Variants in PRMT9 observed in about 807,000 individuals in gnomAD.
PRMT9 encodes protein arginine N-methyltransferase 9.
Under a neutral mutation model 83.2 loss-of-function variants are expected in PRMT9, and 59 were observed. That is an observed-to-expected ratio of 0.71 (90% CI 0.57 to 0.88). The LOEUF (loss-of-function observed/expected upper bound fraction) is 0.88, where lower values mean the gene tolerates loss of function less well. PRMT9 is among the 40% of genes least tolerant of loss of function. The pLI, the probability that PRMT9 is intolerant of heterozygous loss-of-function variation, is 0.00. For missense variants in PRMT9, 947 were observed against 1,021.9 expected (o/e 0.93, Z 1.00); for synonymous variants, 333 against 353.2 (o/e 0.94, Z 0.64).
Position 147,660,864 on chromosome 4 carries a change from TACTGTC to T in PRMT9, c.1122_1127del (p.Met374_Val376delinsIle). 1 of 1,612,614 alleles carries T rather than the reference TACTGTC, an allele frequency of 6.2e-7. No homozygotes were observed. Among genetic ancestry groups the T allele is most frequent in the Non-Finnish European group, 8.5e-7 (1 of 1,178,736 alleles). On this transcript the variant is annotated inframe_deletion, in exon 7 of 12. Transcript: ENST00000322396. ...TTTTCACCTGAAGGTTGTTGAAATC[TACTGTC>T]ATAATTTCAAAGCACTCTGTCAAAG...
chr4:147,662,960 C>T (rs756420118), intron 6 of PRMT9, among the ~76,000 whole-genome samples: 1 of 151,516 alleles, frequency 6.6e-6, no homozygotes, highest in Non-Finnish European at 1.5e-5. Context: ...TCTACTTTTA[C>T]AGATTATTAC....
chr4:147,657,091 A>T (rs1484926852), intron 8 of PRMT9, among the ~76,000 whole-genome samples: 1 of 152,050 alleles, frequency 6.6e-6, no homozygotes, highest in East Asian at 1.9e-4. Context: ...TTGTGCTTAT[A>T]TGAGTGTGTA....
intron 9 of PRMT9, among the ~76,000 whole-genome samples, chr4:147,643,579 T>C (rs1435732654): frequency 6.6e-6 from 1 of 152,202 alleles, no homozygotes; most frequent in African/African-American, 2.4e-5. Flanking sequence ...TAGGAAAATA[T>C]CCTTTTACAG....
At chr4:147,650,916 C>T (rs1462258959) in intron 9 of PRMT9, among the ~76,000 whole-genome samples, 1 of 152,166 alleles carries the variant, frequency 6.6e-6, no homozygotes, top group East Asian at 1.9e-4. Flanking sequence ...TCCTGGCTAA[C>T]ACGGTGAAAC....
chr4:147,673,903 T>C, intron 2 of PRMT9, 29 bp from the exon 3 acceptor site: 2 of 1,516,032 alleles, frequency 1.3e-6, no homozygotes, highest in Non-Finnish European at 1.8e-6. Context: ...AAAGACAAAA[T>C]ATATTCAACT....
intron 1 of PRMT9, 63 bp downstream of exon 1, chr4:147,683,736 T>TA: frequency 3.7e-4 from 206 of 557,656 alleles, no homozygotes; most frequent in Middle Eastern, 1.3e-3. Flanking sequence ...TTTTTTTCTG[T>TA]TTTTTTTTTT....
intron 9 of PRMT9, among the ~76,000 whole-genome samples, chr4:147,649,817 T>A (rs1442340407): frequency 1.3e-5 from 2 of 152,136 alleles, no homozygotes; most frequent in East Asian, 3.9e-4. Flanking sequence ...AATGAACATT[T>A]AAAAACAACT....
intron 9 of PRMT9, among the ~76,000 whole-genome samples, chr4:147,652,648 C>T (rs1356101194): frequency 6.6e-6 from 1 of 151,088 alleles, no homozygotes; most frequent in Non-Finnish European, 1.5e-5. Flanking sequence ...CAGTGAGAAC[C>T]ACCACAACCC....
In PRMT9 at chr4:147,673,832, T is replaced by C. The variant is rs776039773; in HGVS notation, c.381A>G (p.Ala127=). Reference sequence around the variant, plus strand: ...CACTGAAATCAGGGTTTAGCTTCACTGCTTTATGAAAATACCCAGCTGCTT... The same window carrying C: ...CACTGAAATCAGGGTTTAGCTTCACCGCTTTATGAAAATACCCAGCTGCTT... ...RDEAAGYFHK[A]VKLNPDFSDA... The change falls in exon 3 of 12, where the codon GCA becomes GCG. Residue 127 remains alanine, a synonymous_variant. Coordinates refer to ENST00000322396, the MANE Select transcript of PRMT9 (RefSeq NM_138364.4). The C allele has an allele frequency of 1.2e-6, 2 of 1,614,070 alleles. No homozygotes were observed. The highest frequency in any genetic ancestry group is 1.7e-6 in the Non-Finnish European group (2 of 1,180,016).
At position 147,680,444 on chromosome 4, in the gene PRMT9, A is replaced by G; in HGVS notation, c.217T>C (p.Trp73Arg). ...CTGAGAGCATCAAGCTCTTCAGCCC[A>G]TCTGAAAAGTGTGTACTGAAAAGTT... ...KETFQYTLFR[W>R]AEELDALSRI... Residue 73 changes from tryptophan to arginine, a missense_variant, in exon 2 of 12, where the codon TGG becomes CGG. Trp to Arg is a moderately radical substitution (Grantham distance 101). Coordinates refer to ENST00000322396, the MANE Select transcript of PRMT9 (RefSeq NM_138364.4). The G allele has an allele frequency of 6.2e-7, 1 of 1,614,090 alleles. No individual in the cohort carries two copies. Among genetic ancestry groups the G allele is most frequent in the Non-Finnish European group, 8.5e-7 (1 of 1,179,902 alleles).
intron 8 of PRMT9, 90 bp downstream of exon 8, chr4:147,657,702 T>A: frequency 4.1e-6 from 4 of 971,360 alleles, no homozygotes; most frequent in Non-Finnish European, 6.4e-6. Context: ...ACTGAAACCT[T>A]CATATCCAAA....
Position 147,673,829 on chromosome 4 carries a change from C to T in PRMT9, c.384G>A (p.Val128=). ...DEAAGYFHKA[V]KLNPDFSDAK... ...CATCACTGAAATCAGGGTTTAGCTT[C>T]ACTGCTTTATGAAAATACCCAGCTG... Residue 128 remains valine (V), a synonymous_variant, in exon 3 of 12, where the codon GTG becomes GTA. Transcript: ENST00000322396. 6.2e-7 allele frequency: 1 copy of T among 1,614,182 alleles called. No individual in the cohort carries two copies. The highest frequency in any genetic ancestry group is 8.5e-7 in the Non-Finnish European group (1 of 1,180,024).
At chr4:147,640,937 T>G (rs1452411325) in intron 10 of PRMT9, among the ~76,000 whole-genome samples, 1 of 152,074 alleles carries the variant, frequency 6.6e-6, no homozygotes, top group Non-Finnish European at 1.5e-5. Flanking sequence ...GGTCTTGAAC[T>G]CCTGGGCCCA....
chr4:147,679,546 G>A (rs548093945), intron 2 of PRMT9, among the ~76,000 whole-genome samples: 29 of 152,104 alleles, frequency 1.9e-4, no homozygotes, highest in Middle Eastern at 3.4e-3. Context: ...TCAGGAGTTC[G>A]AGACCAGCCT....
chr4:147,670,178 GTTTTGTT>G (rs1371407735), intron 5 of PRMT9, among the ~76,000 whole-genome samples: 1 of 151,728 alleles, frequency 6.6e-6, no homozygotes, highest in Admixed American at 6.6e-5. Context: ...GTTTTGTTTT[GTTTTGTT>G]TTGTTTTGTT....
chr4:147,662,525 G>A (rs1046176767), intron 6 of PRMT9, among the ~76,000 whole-genome samples: 1 of 152,212 alleles, frequency 6.6e-6, no homozygotes, highest in Non-Finnish European at 1.5e-5. Flanking sequence ...ATTGGGCCAG[G>A]CATGGTGGTT....
intron 6 of PRMT9, among the ~76,000 whole-genome samples, chr4:147,666,616 A>G (rs1320052318): frequency 4.6e-5 from 7 of 152,116 alleles, no homozygotes; most frequent in Non-Finnish European, 8.8e-5. Flanking sequence ...CTAGGTTTTT[A>G]TATCTAATAA....
At position 147,670,777 on chromosome 4, in the gene PRMT9, A is replaced by T. The variant is rs766938063; in HGVS notation, c.744-34T>A. 6.8e-6 allele frequency: 9 copies of T among 1,318,418 alleles called. No individual in the cohort carries two copies. In the African/African-American group the frequency reaches 1.3e-4, roughly 19 times the overall value. The allele number at this position is 1,318,418 out of a possible 1,614,324, so 81.7% of individuals were successfully genotyped here. On this transcript the variant is annotated intron_variant, in intron 4 of 11. Transcript: ENST00000322396. ...TGATTTTTTAAAGATATATGTAAGT[A>T]AAATATCATGCTATTATATAAAGAT... is the stretch of plus-strand genomic sequence containing the variant.
At chr4:147,670,358 T>C (rs1735645790) in intron 5 of PRMT9, among the ~76,000 whole-genome samples, 1 of 152,114 alleles carries the variant, frequency 6.6e-6, no homozygotes, top group Admixed American at 6.5e-5. Flanking sequence ...TTTGTATTTT[T>C]AGTAGAGATG....
Sources: gnomAD v4.1 joint callset for allele counts (sites outside exome capture counted in the v4.1 genomes callset) on GRCh38, gnomAD v4.1.1 for gene constraint, MANE v1.5 for transcripts, NCBI Gene and HGNC (gene_info 2026-07-23, HGNC 2026-07-21) for gene names.